PXN: variants seen among roughly 807,000 people sequenced by gnomAD.
The protein encoded by PXN is testicular tissue protein Li 134.
PXN carries 61 observed loss-of-function variants against 103.6 expected under a neutral mutation model. The ratio of observed to expected loss-of-function variants is 0.59; its 90% confidence interval spans 0.48 to 0.73. The LOEUF (loss-of-function observed/expected upper bound fraction) is 0.73. PXN is among the 30% of genes least tolerant of loss of function. The probability of loss-of-function intolerance (pLI) is 0.00; values close to 1 mark genes in which losing one functional copy is unlikely to be tolerated. For missense variants in PXN, 1,274 were observed against 1,460.3 expected (o/e 0.87, Z 2.08); for synonymous variants, 562 against 607.8 (o/e 0.92, Z 1.11).
At position 120,228,576 on chromosome 12, in the gene PXN, T is replaced by G. The variant is rs1335153501; in HGVS notation, c.14-4199A>C. ...TGGGTAACCTCGTGCAATCTTGCAA[T>G]TTTCTAGCCGGGGAAGACTGGGGAG... is the stretch of plus-strand genomic sequence containing the variant. On this transcript the variant is annotated intron_variant, in intron 1 of 14. Coordinates refer to ENST00000637617, the MANE Select transcript of PXN (RefSeq NM_001385981.1). This position sits in a 1 kb window ranked among gnomAD's most constrained non-coding sequence, Gnocchi z 4.7. Among the ~76,000 whole-genome samples, 1 of 152,152 alleles carries G rather than the reference T, an allele frequency of 6.6e-6. No homozygotes were observed. The highest frequency in any genetic ancestry group is 1.5e-5 in the Non-Finnish European group (1 of 68,010).
chr12:120,249,257 T>C (rs1159479213), intron 1 of PXN, among the ~76,000 whole-genome samples: 1 of 151,852 alleles, frequency 6.6e-6, no homozygotes, highest in East Asian at 1.9e-4. Context: ...CTGAAGAAGA[T>C]GACGGCCACA....
At chr12:120,223,214 C>T (rs190500670) in intron 3 of PXN, among the ~76,000 whole-genome samples, 301 of 151,630 alleles carry the variant, frequency 2.0e-3, no homozygotes, top group African/African-American at 7.0e-3. Flanking sequence ...GAGGCTGAGG[C>T]GGGCAGATCA....
chr12:120,254,344 G>A (rs1892671786), intron 1 of PXN, among the ~76,000 whole-genome samples: 1 of 152,168 alleles, frequency 6.6e-6, no homozygotes, highest in African/African-American at 2.4e-5. Context: ...TGATATGAGG[G>A]CTGAAGTTAA....
rs1385546891 is a variant in PXN, at chr12:120,229,406, T to C, written c.14-5029A>G. On this transcript the variant is annotated intron_variant, in intron 1 of 14. Coordinates refer to ENST00000637617, the MANE Select transcript of PXN (RefSeq NM_001385981.1). The surrounding 1 kb of genome is among the most constrained non-coding windows in gnomAD (Gnocchi z 4.0). ...GAGAGAGGAGATAAAAGTCCATCTC[T>C]CTGAGGGGGTGGGAGGACCCAGAGC... 6.6e-6 allele frequency among the ~76,000 whole-genome samples: 1 copy of C among 152,098 alleles called. No homozygotes were observed. The highest frequency in any genetic ancestry group is 1.5e-5 in the Non-Finnish European group (1 of 68,012).
chr12:120,215,486 G>A lies in PXN; in HGVS notation c.2403+74C>T. On this transcript the variant is annotated intron_variant, in intron 10 of 14. Coordinates refer to ENST00000637617, the MANE Select transcript of PXN (RefSeq NM_001385981.1). The surrounding 1 kb of genome is among the most constrained non-coding windows in gnomAD (Gnocchi z 4.9). ...GGCCCACCAGGGTCGGAAAGGCTGA[G>A]GGCACCCAGCAGGCATGGCCAAGCC... 1 of 1,507,830 alleles carries A rather than the reference G, an allele frequency of 6.6e-7. No homozygotes were observed. Among genetic ancestry groups the A allele is most frequent in the African/African-American group, 1.4e-5 (1 of 72,062 alleles). The allele number at this position is 1,507,830 out of a possible 1,614,324, so 93.4% of individuals were successfully genotyped here. A position where few individuals can be genotyped will look rare whatever the true frequency, so the allele number is the denominator to read the frequency against.
rs1887570255 is a variant in PXN at position 120,229,388 on chromosome 12, G to C, written c.14-5011C>G. The stretch of plus-strand genomic sequence containing the variant: ...GAGCTGGACAGGTGCCAAGAGAGAG[G>C]AGATAAAAGTCCATCTCTCTGAGGG... On this transcript the variant is annotated intron_variant, in intron 1 of 14. Coordinates refer to ENST00000637617, the MANE Select transcript of PXN (RefSeq NM_001385981.1). This position sits in a 1 kb window ranked among gnomAD's most constrained non-coding sequence, Gnocchi z 4.0. Among the ~76,000 whole-genome samples the C allele has an allele frequency of 6.6e-6, 1 of 152,172 alleles. No homozygotes were observed. The highest frequency in any genetic ancestry group is 2.4e-5 in the African/African-American group (1 of 41,428).
At position 120,216,691 on chromosome 12, in the gene PXN, A is replaced by C. The variant is rs1883153476; in HGVS notation, c.1993-110T>G. 3.1e-6 allele frequency: 5 copies of C among 1,591,922 alleles called. No individual in the cohort carries two copies. Among genetic ancestry groups the C allele is most frequent in the Non-Finnish European group, 4.2e-6 (5 of 1,177,786 alleles). The stretch of plus-strand genomic sequence containing the variant: ...CTGGGCCTTCCCACTCTGCACCAAG[A>C]GTGGGGCCAGTCTTCCAAAGTCACA... On this transcript the variant is annotated intron_variant, in intron 8 of 14. Coordinates refer to ENST00000637617, the MANE Select transcript of PXN (RefSeq NM_001385981.1). This position sits in a 1 kb window ranked among gnomAD's most constrained non-coding sequence, Gnocchi z 5.1.
chr12:120,222,699 C>G lies in PXN; in HGVS notation c.545G>C (p.Gly182Ala), dbSNP rs777216937. The change falls in exon 5 of 15, where the codon GGT becomes GCT. Residue 182 changes from glycine to alanine, a missense_variant. Gly to Ala is a moderately conservative substitution (Grantham distance 60). Transcript: ENST00000637617. The surrounding 1 kb of genome is among the most constrained non-coding windows in gnomAD (Gnocchi z 4.7). ...CAAGGGGCTGTTAGTCTCTGGGACA[C>G]CATAGAGGGGGCTCAGGGCCCCAGG... Reference protein sequence around the residue: ...PLPGALSPLYGVPETNSPLGG... With the variant: ...PLPGALSPLYAVPETNSPLGG... 7 of 1,609,632 alleles carry G rather than the reference C, an allele frequency of 4.3e-6. No homozygotes were observed. In the African/African-American group the frequency reaches 9.4e-5, roughly 22 times the overall value.
rs1881550964 is a variant in PXN, at chr12:120,214,086, C to T, written c.2830+50G>A. On this transcript the variant is annotated intron_variant, in intron 13 of 14. Coordinates refer to ENST00000637617, the MANE Select transcript of PXN (RefSeq NM_001385981.1). The surrounding 1 kb of genome is among the most constrained non-coding windows in gnomAD (Gnocchi z 5.0). ...TCAGCAGCGTCTCCCACCCCCACCT[C>T]CCCGGCCCTCCTAAGAGGCGGTGGG... is the stretch of plus-strand genomic sequence containing the variant. The T allele has an allele frequency of 2.6e-6, 4 of 1,558,914 alleles. No homozygotes were observed. Among genetic ancestry groups the T allele is most frequent in the Admixed American group, 3.9e-5 (2 of 51,640 alleles).
In PXN at chr12:120,225,329, C is replaced by T. The variant is rs1886569962; in HGVS notation, c.14-952G>A. On this transcript the variant is annotated intron_variant, in intron 1 of 14. Coordinates refer to ENST00000637617, the MANE Select transcript of PXN (RefSeq NM_001385981.1). The surrounding 1 kb of genome is among the most constrained non-coding windows in gnomAD (Gnocchi z 4.4). ...ACCCTCATTCCTGCCCCGTTCACAA[C>T]TTGCTTGCTCTCAGCTCCCCGGTAA... 1 of 153,352 alleles carries T rather than the reference C, an allele frequency of 6.5e-6. No individual in the cohort carries two copies. The highest frequency in any genetic ancestry group is 2.4e-5 in the African/African-American group (1 of 41,442). The allele number at this position is 153,352 out of a possible 1,614,324, so 9.5% of individuals were successfully genotyped here. A position where few individuals can be genotyped will look rare whatever the true frequency, so the allele number is the denominator to read the frequency against.
At chr12:120,254,011 G>A (rs1892613839) in intron 1 of PXN, among the ~76,000 whole-genome samples, 1 of 152,114 alleles carries the variant, frequency 6.6e-6, no homozygotes, top group Non-Finnish European at 1.5e-5. Flanking sequence ...CTCCCAAGTG[G>A]CTGAGACTAC....
At chr12:120,232,224 T>C (rs957712589) in intron 1 of PXN, among the ~76,000 whole-genome samples, 1 of 152,220 alleles carries the variant, frequency 6.6e-6, no homozygotes, top group Non-Finnish European at 1.5e-5. Context: ...TCTCACTATG[T>C]TGCCCAAGCT....
At position 120,215,289 on chromosome 12, in the gene PXN, G is replaced by T. The variant is rs1445857859; in HGVS notation, c.2404-16C>A. On this transcript the variant is annotated splice_polypyrimidine_tract_variant and intron_variant, in intron 10 of 14. Coordinates refer to ENST00000637617, the MANE Select transcript of PXN (RefSeq NM_001385981.1). This position sits in a 1 kb window ranked among gnomAD's most constrained non-coding sequence, Gnocchi z 4.9. ...GGGCCATGAACTGTGGACACGGAGG[G>T]GGCTGGTCAGGACTCCTGAGGCTCG... The T allele has an allele frequency of 6.4e-7, 1 of 1,573,814 alleles. No individual in the cohort carries two copies.
chr12:120,230,327 G>A (rs1887748819), intron 1 of PXN, among the ~76,000 whole-genome samples: 1 of 152,218 alleles, frequency 6.6e-6, no homozygotes, highest in Admixed American at 6.5e-5. Flanking sequence ...GTCCTAGGGG[G>A]TCTGGGGATG....
At position 120,211,850 on chromosome 12, in the gene PXN, G is replaced by A. The variant is rs1231752191; in HGVS notation, c.*464C>T. ...GATGGATTTATGCTGGCATTGTCTG[G>A]AGGGAGCCGGGTGTCCCCCAATAAT... On this transcript the variant is annotated 3_prime_UTR_variant, in exon 15 of 15. Transcript: ENST00000637617. 1 of 488,774 alleles carries A rather than the reference G, an allele frequency of 2.0e-6. No homozygotes were observed. The highest frequency in any genetic ancestry group is 4.1e-6 in the Non-Finnish European group (1 of 244,580). The allele number at this position is 488,774 out of a possible 1,614,324, so 30.3% of individuals were successfully genotyped here.
chr12:120,262,485 T>A (rs759317571), intron 1 of PXN, among the ~76,000 whole-genome samples: 8 of 152,316 alleles, frequency 5.3e-5, no homozygotes, highest in Admixed American at 3.9e-4. Flanking sequence ...TGGAATTGGA[T>A]GAGCCTGGGT....
rs551383439 is a variant in PXN, at chr12:120,242,953, C to T, written c.14-18576G>A. Among the ~76,000 whole-genome samples, 6 of 151,876 alleles carry T rather than the reference C, an allele frequency of 4.0e-5. 1 individual carries two copies. The South Asian group carries it at 1.3e-3, about 32-fold the overall frequency. On this transcript the variant is annotated intron_variant, in intron 1 of 14. Transcript: ENST00000637617. ...CAAAGGCCAGCCCCATCTCAGCTATCGTAGCAAGGTCATCCCCAAAAGGTC... is the reference window on the plus strand; with the variant it reads ...CAAAGGCCAGCCCCATCTCAGCTATTGTAGCAAGGTCATCCCCAAAAGGTC...
At chr12:120,260,561 T>C (rs1402353447) in intron 1 of PXN, among the ~76,000 whole-genome samples, 1 of 149,654 alleles carries the variant, frequency 6.7e-6, no homozygotes. Flanking sequence ...AAATGACAGA[T>C]GTGGAAGACA....
chr12:120,265,115 G>A lies in PXN; in HGVS notation c.13+502C>T, dbSNP rs1894480645. Among the ~76,000 whole-genome samples, 1 of 152,050 alleles carries A rather than the reference G, an allele frequency of 6.6e-6. No individual in the cohort carries two copies. Among genetic ancestry groups the A allele is most frequent in the South Asian group, 2.1e-4 (1 of 4,826 alleles). ...AGGGGGGTGCTAGTCTGTGAAGTGG[G>A]GGGCGGCCCTGGAGGGACGGGGAGC... On this transcript the variant is annotated intron_variant, in intron 1 of 14. Transcript: ENST00000637617. The surrounding 1 kb of genome is among the most constrained non-coding windows in gnomAD (Gnocchi z 5.7).
Sources: gnomAD v4.1 joint callset for allele counts (sites outside exome capture counted in the v4.1 genomes callset) on GRCh38, gnomAD v4.1.1 for gene constraint, Gnocchi (gnomAD v3.1) non-coding constraint, MANE v1.5 for transcripts, NCBI Gene and HGNC (gene_info 2026-07-23, HGNC 2026-07-21) for gene names.